ZNF775: variants seen among roughly 807,000 people sequenced by gnomAD.
ZNF775 encodes zinc finger protein 775.
A neutral mutation model predicts 2.4 loss-of-function variants in ZNF775; 1 was observed. That is an observed-to-expected ratio of 0.41 (90% CI 0.15 to 1.94). The LOEUF is 1.94. Ranked by LOEUF, ZNF775 falls within the 30% of genes most tolerant of loss-of-function variation. ZNF775 has a pLI of 0.30. For missense variants in ZNF775, 823 were observed against 826.6 expected (o/e 1.00, Z 0.05); for synonymous variants, 381 against 373.3 (o/e 1.02, Z -0.24).
chr7:150,394,237 A>G (rs1333413132), intron 2 of ZNF775, among the ~76,000 whole-genome samples: 1 of 152,026 alleles, frequency 6.6e-6, no homozygotes, highest in African/African-American at 2.4e-5. Context: ...TTTTCTTTGT[A>G]TATGTTTTGC....
rs1029829150 is a variant in ZNF775, at chr7:150,394,637, C to G, written c.32-1876C>G. Reference sequence around the variant, plus strand: ...CTTAGTTTGCTAGGAGCTTTCTTCTCTCTCTCTCTCTCTCCCTCCCTCCCT... The same window carrying G: ...CTTAGTTTGCTAGGAGCTTTCTTCTGTCTCTCTCTCTCTCCCTCCCTCCCT... On this transcript the variant is annotated intron_variant, in intron 2 of 2. Transcript: ENST00000329630. Among the ~76,000 whole-genome samples, 3 of 147,840 alleles carry G rather than the reference C, an allele frequency of 2.0e-5. No individual in the cohort carries two copies. In the East Asian group the frequency reaches 5.9e-4, roughly 29 times the overall value.
intron 1 of ZNF775, among the ~76,000 whole-genome samples, chr7:150,381,983 G>A (rs1214759541): frequency 6.6e-6 from 1 of 152,012 alleles, no homozygotes; most frequent in Non-Finnish European, 1.5e-5. Flanking sequence ...AGTTGTGGGA[G>A]GCTTCAGGGT....
rs1263529867 is a variant in ZNF775 at position 150,397,915 on chromosome 7, G to A, written c.1434G>A (p.Glu478=). The change falls in exon 3 of 3, where the codon GAG becomes GAA. Residue 478 remains glutamate (E), a synonymous_variant. Coordinates refer to ENST00000329630, the MANE Select transcript of ZNF775 (RefSeq NM_173680.4). ...HTGERPYPCP[E]CGRRFSQKPN... ...GTGAGCGGCCCTACCCGTGCCCCGA[G>A]TGCGGCCGCCGCTTCAGCCAGAAGC... is the stretch of plus-strand genomic sequence containing the variant. 3 of 1,601,196 alleles carry A rather than the reference G, an allele frequency of 1.9e-6. No individual in the cohort carries two copies. The highest frequency in any genetic ancestry group is 1.7e-6 in the Non-Finnish European group (2 of 1,178,380).
rs1203292936 is a variant in ZNF775 at position 150,397,625 on chromosome 7, C to G, written c.1144C>G (p.Arg382Gly). 11 of 1,355,128 alleles carry G rather than the reference C, an allele frequency of 8.1e-6. No homozygotes were observed. The highest frequency in any genetic ancestry group is 1.6e-5 in the South Asian group (1 of 63,568). 83.9% of individuals were successfully genotyped at this position (1,355,128 alleles called of 1,614,324 possible). ...GAGCTGCCGCAGCCGCGCCGCGCTG[C>G]GCGCCCACCAGCGCGCCCACGCTGT... is the stretch of plus-strand genomic sequence containing the variant. Reference protein sequence around the residue: ...GKSCRSRAALRAHQRAHAVAE... With the variant: ...GKSCRSRAALGAHQRAHAVAE... Residue 382 changes from arginine to glycine, a missense_variant, in exon 3 of 3, where the codon CGC becomes GGC. By Grantham distance (125) the Arg-to-Gly change is moderately radical (BLOSUM62 -2). Coordinates refer to ENST00000329630, the MANE Select transcript of ZNF775 (RefSeq NM_173680.4).
chr7:150,398,007 G>A lies in ZNF775; in HGVS notation c.1526G>A (p.Arg509His). 6.3e-7 allele frequency: 1 copy of A among 1,586,140 alleles called. No individual in the cohort carries two copies. Among genetic ancestry groups the A allele is most frequent in the Non-Finnish European group, 8.5e-7 (1 of 1,172,122 alleles). The change falls in exon 3 of 3, where the codon CGC becomes CAC. Residue 509 changes from arginine (R) to histidine (H), a missense_variant. Transcript: ENST00000329630. ...CCCTACCTGTGTCCCGCCTGCGGCC[G>A]CGGCTTCAGCCAGAAGCAGCACCTG... ...ERPYLCPACG[R>H]GFSQKQHLLK...
rs1476184790 is a variant in ZNF775, at chr7:150,397,885, C to T, written c.1404C>T (p.His468=). 2 of 1,603,566 alleles carry T rather than the reference C, an allele frequency of 1.2e-6. No homozygotes were observed. The highest frequency in any genetic ancestry group is 1.1e-5 in the South Asian group (1 of 90,876). Residue 468 remains histidine (H), a synonymous_variant, in exon 3 of 3, where the codon CAC becomes CAT. Coordinates refer to ENST00000329630, the MANE Select transcript of ZNF775 (RefSeq NM_173680.4). ...WSALTIHQRI[H]TGERPYPCPE... is the part of the protein sequence containing the mutation. ...CGCTCACCATCCACCAGCGCATCCA[C>T]ACGGGTGAGCGGCCCTACCCGTGCC...
intron 2 of ZNF775, among the ~76,000 whole-genome samples, chr7:150,391,290 C>T (rs1384197712): frequency 1.3e-5 from 2 of 152,188 alleles, no homozygotes; most frequent in African/African-American, 2.4e-5. Context: ...GGTGGATCAC[C>T]TGAGGTCAGG....
chr7:150,391,538 ATTAAT>A lies in ZNF775; in HGVS notation c.31+3042_31+3046del, dbSNP rs1800558333. Among the ~76,000 whole-genome samples the A allele has an allele frequency of 1.3e-5, 2 of 152,146 alleles. 1 individual carries two copies. Among genetic ancestry groups the A allele is most frequent in the South Asian group, 4.1e-4 (2 of 4,830 alleles). On this transcript the variant is annotated intron_variant, in intron 2 of 2. Coordinates refer to ENST00000329630, the MANE Select transcript of ZNF775 (RefSeq NM_173680.4). ...TAAATAAATAAATAAAAATTAGTTAATTAATTTAAATACAATTAAAAATGTCATTT... is the reference window on the plus strand; with the variant it reads ...TAAATAAATAAATAAAAATTAGTTAATTAAATACAATTAAAAATGTCATTT...
At chr7:150,394,516 T>A (rs369023619) in intron 2 of ZNF775, among the ~76,000 whole-genome samples, 45 of 152,364 alleles carry the variant, frequency 3.0e-4, no homozygotes, top group African/African-American at 9.9e-4. Flanking sequence ...TCGCATTTTG[T>A]TTCTACCTGT....
At chr7:150,387,764 C>G (rs1232501827) in intron 1 of ZNF775, among the ~76,000 whole-genome samples, 2 of 151,958 alleles carry the variant, frequency 1.3e-5, no homozygotes, top group Non-Finnish European at 2.9e-5. Context: ...GAACTGAGAT[C>G]CCGCCACTGC....
intron 2 of ZNF775, among the ~76,000 whole-genome samples, chr7:150,395,680 C>T (rs577233285): frequency 9.8e-5 from 15 of 152,320 alleles, no homozygotes; most frequent in Admixed American, 2.0e-4. Context: ...CAGATGGTTT[C>T]TTTATGGCTT....
At chr7:150,383,252 A>G (rs1241546844) in intron 1 of ZNF775, among the ~76,000 whole-genome samples, 3 of 152,224 alleles carry the variant, frequency 2.0e-5, no homozygotes, top group African/African-American at 7.2e-5. Context: ...GGCAGAGAAT[A>G]CCATTGCCTG....
At chr7:150,394,254 A>T (rs1800609852) in intron 2 of ZNF775, among the ~76,000 whole-genome samples, 1 of 152,054 alleles carries the variant, frequency 6.6e-6, no homozygotes. Flanking sequence ...TTGCATGTTT[A>T]TTGGGTATAT....
chr7:150,385,305 A>G (rs1267664259), intron 1 of ZNF775, among the ~76,000 whole-genome samples: 3 of 152,250 alleles, frequency 2.0e-5, no homozygotes, highest in Admixed American at 1.3e-4. Flanking sequence ...CAACCCAGAA[A>G]AGCTCTTTGC....
intron 1 of ZNF775, chr7:150,383,936 C>T (rs938752453): frequency 6.6e-6 from 1 of 152,552 alleles, no homozygotes; most frequent in African/African-American, 2.4e-5. Flanking sequence ...TTCTCCTCCC[C>T]CAGCTGCTGT....
At chr7:150,381,725 CGGCTTTTT>C (rs1220377410) in intron 1 of ZNF775, among the ~76,000 whole-genome samples, 1 of 152,162 alleles carries the variant, frequency 6.6e-6, no homozygotes, top group Non-Finnish European at 1.5e-5. Flanking sequence ...GGCCTCTCAG[CGGCTTTTT>C]CCACTATGGC....
intron 2 of ZNF775, among the ~76,000 whole-genome samples, chr7:150,394,292 A>G (rs1375641497): frequency 2.6e-5 from 4 of 152,048 alleles, no homozygotes; most frequent in Non-Finnish European, 5.9e-5. Flanking sequence ...GCCATTTTTT[A>G]AAAAGTGATT....
rs1355808846 is a variant in ZNF775 at position 150,398,090 on chromosome 7, C to T, written c.1609C>T (p.Arg537Cys). The change falls in exon 3 of 3, where the codon CGC becomes TGC. Residue 537 changes from arginine to cysteine, a missense_variant. Arg to Cys is a radical substitution (Grantham distance 180). Transcript: ENST00000329630. ...APACSPKEEA[R>C] Reference sequence around the variant, plus strand: ...TGCGTGCAGCCCCAAGGAGGAGGCGCGCTAGTGGACTGGACCTCAGCGGAC... The same window carrying T: ...TGCGTGCAGCCCCAAGGAGGAGGCGTGCTAGTGGACTGGACCTCAGCGGAC... 3.9e-6 allele frequency: 6 copies of T among 1,548,372 alleles called. No individual in the cohort carries two copies. The highest frequency in any genetic ancestry group is 1.7e-4 in the Middle Eastern group (1 of 5,998).
chr7:150,396,772 C>T lies in ZNF775; in HGVS notation c.291C>T (p.Ser97=), dbSNP rs773225965. 1.9e-6 allele frequency: 3 copies of T among 1,592,452 alleles called. No individual in the cohort carries two copies. The highest frequency in any genetic ancestry group is 2.3e-5 in the East Asian group (1 of 43,954). The change falls in exon 3 of 3, where the codon AGC becomes AGT. Residue 97 remains serine (S), a synonymous_variant. Coordinates refer to ENST00000329630, the MANE Select transcript of ZNF775 (RefSeq NM_173680.4). The part of the protein sequence containing the change: ...RAPGSASGPL[S]PSLSSGEGHF... ...CCGGGTCAGCCTCCGGCCCCCTGAGCCCCTCGCTTTCCTCCGGCGAGGGTC... is the reference window on the plus strand; with the variant it reads ...CCGGGTCAGCCTCCGGCCCCCTGAGTCCCTCGCTTTCCTCCGGCGAGGGTC...
Sources: allele counts gnomAD v4.1 joint callset (sites outside exome capture counted in the v4.1 genomes callset), GRCh38; gene constraint gnomAD v4.1.1; transcripts MANE v1.5; gene names NCBI Gene and HGNC (gene_info 2026-07-23, HGNC 2026-07-21).